Variants in CLNK observed in about 807,000 individuals in gnomAD.
The protein encoded by CLNK is cytokine dependent hematopoietic cell linker.
In CLNK, 74 loss-of-function variants were observed where a neutral mutation model predicts 68.6. The ratio of observed to expected loss-of-function variants is 1.08; its 90% CI spans 0.89 to 1.31. CLNK has a LOEUF of 1.31. Ranked by LOEUF, CLNK falls within the 50% of genes most tolerant of loss-of-function variation. CLNK has a pLI of 0.00. For missense variants in CLNK, 553 were observed against 515.3 expected, an observed-to-expected ratio of 1.07 and a Z score of -0.71; for synonymous variants, 198 against 172.2, an observed-to-expected ratio of 1.15 and a Z score of -1.17.
chr4:10,687,383 G>A (rs994566536), upstream of CLNK, among the ~76,000 whole-genome samples: 1 of 152,096 alleles, frequency 6.6e-6, no homozygotes, highest in Admixed American at 6.6e-5. Flanking sequence ...ATTTCCTCTG[G>A]GGAAGTGACA....
At chr4:10,610,778 ACACACACACAC>A (rs1385128690) in intron 2 of CLNK, among the ~76,000 whole-genome samples, 3 of 1,434 alleles carry the variant, frequency 2.1e-3, no homozygotes. Context: ...AGCAACACAC[ACACACACACAC>A]ACACACACAC....
chr4:10,647,792 C>A (rs913611927), intron 2 of CLNK, among the ~76,000 whole-genome samples: 5 of 152,042 alleles, frequency 3.3e-5, no homozygotes, highest in Admixed American at 2.0e-4. Context: ...TTCAGCTGAC[C>A]CATGAAAGAC....
At chr4:10,655,504 C>A (rs1196207922) in intron 2 of CLNK, among the ~76,000 whole-genome samples, 1 of 151,988 alleles carries the variant, frequency 6.6e-6, no homozygotes, top group Non-Finnish European at 1.5e-5. Flanking sequence ...CAAAGTTATA[C>A]TAATTAGGAC....
At chr4:10,532,599 T>C (rs1295481692) in intron 11 of CLNK, among the ~76,000 whole-genome samples, 3 of 152,224 alleles carry the variant, frequency 2.0e-5, no homozygotes, top group African/African-American at 7.2e-5. Context: ...TCAAGTTTCA[T>C]TGGCACAGTC....
chr4:10,593,449 G>A (rs2108842512), intron 3 of CLNK, among the ~76,000 whole-genome samples: 2 of 152,216 alleles, frequency 1.3e-5, no homozygotes, highest in South Asian at 4.1e-4. Context: ...GAGGTCAGGA[G>A]TTCGAGACCA....
chr4:10,712,549 C>T, the CLNK span, among the ~76,000 whole-genome samples: 2 of 152,120 alleles, frequency 1.3e-5, no homozygotes, highest in East Asian at 1.9e-4. Flanking sequence ...TGCTTGGGGA[C>T]TAAAATAGCC....
the CLNK span, among the ~76,000 whole-genome samples, chr4:10,715,430 C>A: frequency 6.6e-6 from 1 of 152,294 alleles, no homozygotes; most frequent in East Asian, 1.9e-4. Flanking sequence ...AGCCCCAGTT[C>A]TCTTATTTTC....
intron 12 of CLNK, among the ~76,000 whole-genome samples, chr4:10,530,929 T>C (rs1212412040): frequency 6.6e-6 from 1 of 152,200 alleles, no homozygotes; most frequent in African/African-American, 2.4e-5. Context: ...GAACTGTTCT[T>C]CTCGTCAAGC....
chr4:10,633,515 T>C (rs1722968135), intron 2 of CLNK, among the ~76,000 whole-genome samples: 1 of 152,200 alleles, frequency 6.6e-6, no homozygotes, highest in African/African-American at 2.4e-5. Flanking sequence ...AATTTAATTG[T>C]GATCATGGTT....
intron 8 of CLNK, among the ~76,000 whole-genome samples, chr4:10,548,185 A>G (rs1314390926): frequency 1.3e-5 from 2 of 152,078 alleles, no homozygotes; most frequent in Non-Finnish European, 2.9e-5. Context: ...TTTTTAAGTA[A>G]TAGTCATCCT....
chr4:10,671,854 A>G (rs926762163), intron 1 of CLNK, among the ~76,000 whole-genome samples: 2 of 152,220 alleles, frequency 1.3e-5, no homozygotes, highest in Non-Finnish European at 2.9e-5. Context: ...GAATTGGCTT[A>G]GGTCAGCAAA....
chr4:10,691,813 G>A, the CLNK span, among the ~76,000 whole-genome samples: 1 of 152,022 alleles, frequency 6.6e-6, no homozygotes, highest in East Asian at 1.9e-4. Context: ...AATCAGATTA[G>A]GAAAGAAAAA....
intron 7 of CLNK, among the ~76,000 whole-genome samples, chr4:10,561,047 C>T (rs908683152): frequency 3.3e-5 from 5 of 151,946 alleles, no homozygotes; most frequent in Non-Finnish European, 7.4e-5. Flanking sequence ...CAGGCATGCT[C>T]CACCACGACC....
intron 3 of CLNK, among the ~76,000 whole-genome samples, chr4:10,592,405 G>C (rs1560232318): frequency 6.6e-6 from 1 of 152,130 alleles, no homozygotes; most frequent in Non-Finnish European, 1.5e-5. Context: ...CATTCCTCTA[G>C]CGGGCAGAGC....
intron 3 of CLNK, among the ~76,000 whole-genome samples, chr4:10,588,306 A>G (rs1721057579): frequency 6.6e-6 from 1 of 152,288 alleles, no homozygotes. Flanking sequence ...CCCTGACCTT[A>G]TCTGGATTTT....
rs575423000 is a variant in CLNK at position 10,632,908 on chromosome 4, G to A, written c.12-34859C>T. 3.9e-5 allele frequency among the ~76,000 whole-genome samples: 6 copies of A among 152,258 alleles called. No individual in the cohort carries two copies. In the East Asian group the frequency reaches 1.2e-3, roughly 29 times the overall value. ...TGAGGCTGCTAGCTAACTCATAACA[G>A]AAGCATTTTATCTTATTTTGAGACA... is the stretch of plus-strand genomic sequence containing the variant. On this transcript the variant is annotated intron_variant, in intron 2 of 18. Coordinates refer to ENST00000226951, the MANE Select transcript of CLNK (RefSeq NM_052964.4).
chr4:10,703,177 T>A, the CLNK span, among the ~76,000 whole-genome samples: 2 of 152,230 alleles, frequency 1.3e-5, no homozygotes, highest in South Asian at 4.2e-4. Flanking sequence ...AATGTCTAAT[T>A]TTTAGACCTA....
chr4:10,553,655 C>A (rs1180021463), intron 8 of CLNK, among the ~76,000 whole-genome samples: 1 of 152,068 alleles, frequency 6.6e-6, no homozygotes, highest in Non-Finnish European at 1.5e-5. Context: ...GGTGTCACCA[C>A]GTTGGCCGGG....
chr4:10,620,006 CT>C (rs1722374448), intron 2 of CLNK, among the ~76,000 whole-genome samples: 2 of 152,194 alleles, frequency 1.3e-5, no homozygotes, highest in South Asian at 4.1e-4. Flanking sequence ...CCCCTGTTTT[CT>C]TTTCACACAA....
Sources: allele counts gnomAD v4.1 joint callset (sites outside exome capture counted in the v4.1 genomes callset), GRCh38; gene constraint gnomAD v4.1.1; transcripts MANE v1.5; gene names NCBI Gene and HGNC (gene_info 2026-07-23, HGNC 2026-07-21).